Variants in NPAS3 observed in about 807,000 individuals in gnomAD.
NPAS3 encodes the protein neuronal PAS domain protein 3.
A neutral mutation model predicts 73.1 loss-of-function variants in NPAS3; 14 were observed. That is an observed-to-expected ratio of 0.19 (90% CI 0.13 to 0.30). NPAS3 has a LOEUF of 0.30. Among genes scored for constraint, NPAS3 ranks in the 10% least tolerant of loss-of-function variants. The pLI is 1.00. For synonymous variants in NPAS3, 620 were observed against 541.5 expected, an observed-to-expected ratio of 1.14 and a Z score of -2.01; for missense variants, 1,096 against 1,250.0, an observed-to-expected ratio of 0.88 and a Z score of 1.86.
At chr14:33,087,552 T>G (rs11623712) in intron 2 of NPAS3, among the ~76,000 whole-genome samples, 9,023 of 152,226 alleles carry the variant, frequency 0.059, 379 homozygotes, top group Admixed American at 0.091. Context: ...TTCATTTGTA[T>G]TGGCTAAATG....
chr14:33,328,215 A>G (rs998168820), intron 3 of NPAS3, among the ~76,000 whole-genome samples: 6 of 152,010 alleles, frequency 3.9e-5, no homozygotes, highest in African/African-American at 1.4e-4. Context: ...GCTGGGCCCC[A>G]AGGGATCCGA....
chr14:33,675,059 G>A lies in NPAS3; in HGVS notation c.559-1152G>A, dbSNP rs147493082. On this transcript the variant is annotated intron_variant, in intron 5 of 11. Transcript: ENST00000356141. ...GAAGTGAGGTAGGCAGGGGTTCTAG[G>A]TAAATATCCACCAAGAAACTTGTGA... Among the ~76,000 whole-genome samples, 68 of 129,178 alleles carry A rather than the reference G, an allele frequency of 5.3e-4. 1 individual carries two copies. In the East Asian group the frequency reaches 0.014, roughly 27 times the overall value. 84.7% of individuals were successfully genotyped at this position (129,178 alleles called of 152,430 possible).
intron 4 of NPAS3, among the ~76,000 whole-genome samples, chr14:33,498,325 A>G (rs1314164227): frequency 6.6e-6 from 1 of 152,202 alleles, no homozygotes; most frequent in African/African-American, 2.4e-5. Flanking sequence ...AATTTGAGCC[A>G]GCAATCCCAT....
chr14:33,036,176 G>A (rs2040162106), intron 1 of NPAS3, among the ~76,000 whole-genome samples: 1 of 152,138 alleles, frequency 6.6e-6, no homozygotes, highest in Non-Finnish European at 1.5e-5. Flanking sequence ...TGGGTTAGGG[G>A]TGGGGGCTGG....
At chr14:33,093,192 A>G (rs1182636785) in intron 2 of NPAS3, among the ~76,000 whole-genome samples, 2 of 152,094 alleles carry the variant, frequency 1.3e-5, no homozygotes, top group African/African-American at 2.4e-5. Context: ...AACCTACAGA[A>G]TGGGAGAAAA....
At chr14:33,293,212 A>G (rs1472745373) in intron 3 of NPAS3, among the ~76,000 whole-genome samples, 1 of 152,224 alleles carries the variant, frequency 6.6e-6, no homozygotes, top group Non-Finnish European at 1.5e-5. Flanking sequence ...CTTAAGATAT[A>G]GAAAAGAAAA....
intron 4 of NPAS3, among the ~76,000 whole-genome samples, chr14:33,476,686 A>C (rs1417247559): frequency 6.6e-6 from 1 of 152,204 alleles, no homozygotes; most frequent in Non-Finnish European, 1.5e-5. Context: ...GGAATGAGCA[A>C]ATACTGGAAC....
At chr14:33,024,417 G>A (rs914974492) in intron 1 of NPAS3, among the ~76,000 whole-genome samples, 1 of 152,048 alleles carries the variant, frequency 6.6e-6, no homozygotes, top group Non-Finnish European at 1.5e-5. Flanking sequence ...TGATCCGCCT[G>A]CCTCGGCCTC....
At chr14:33,487,148 C>T (rs1041262023) in intron 4 of NPAS3, among the ~76,000 whole-genome samples, 1 of 152,096 alleles carries the variant, frequency 6.6e-6, no homozygotes, top group South Asian at 2.1e-4. Context: ...GCCAGGGAAA[C>T]TAAAAAACAA....
At chr14:33,670,356 A>G (rs1367150012) in intron 5 of NPAS3, among the ~76,000 whole-genome samples, 2 of 152,168 alleles carry the variant, frequency 1.3e-5, no homozygotes. Context: ...TTATACACGT[A>G]TTTCTGTAAC....
intron 6 of NPAS3, among the ~76,000 whole-genome samples, chr14:33,723,398 T>C (rs1483796486): frequency 6.6e-6 from 1 of 152,152 alleles, no homozygotes; most frequent in Admixed American, 6.6e-5. Flanking sequence ...ATTTGGATCA[T>C]ACTAAAAAAA....
At chr14:33,483,216 A>G (rs2051414511) in intron 4 of NPAS3, among the ~76,000 whole-genome samples, 1 of 152,180 alleles carries the variant, frequency 6.6e-6, no homozygotes, top group African/African-American at 2.4e-5. Flanking sequence ...ACAAGTGAAC[A>G]GAAAAATGAC....
downstream of NPAS3, chr14:33,802,667 A>C (rs369067949): frequency 3.4e-4 from 51 of 152,194 alleles, no homozygotes; most frequent in African/African-American, 1.2e-3. Context: ...CCTTTGTCTT[A>C]TCTGTGCTCT....
intron 1 of NPAS3, among the ~76,000 whole-genome samples, chr14:32,941,472 T>C (rs1367005351): frequency 6.6e-6 from 1 of 151,028 alleles, no homozygotes; most frequent in Non-Finnish European, 1.5e-5. Context: ...GAGATAGAAT[T>C]AATTTCTAGG....
chr14:33,653,779 A>G (rs1444167980), intron 5 of NPAS3, among the ~76,000 whole-genome samples: 1 of 152,216 alleles, frequency 6.6e-6, no homozygotes, highest in Non-Finnish European at 1.5e-5. Flanking sequence ...GGTTACCTGA[A>G]AGGCCACTTG....
intron 3 of NPAS3, among the ~76,000 whole-genome samples, chr14:33,306,307 A>G (rs1208184725): frequency 6.6e-6 from 1 of 152,216 alleles, no homozygotes; most frequent in Non-Finnish European, 1.5e-5. Context: ...AAACTGACCT[A>G]GTGATATTAA....
chr14:33,759,477 G>T (rs897597027), intron 7 of NPAS3, among the ~76,000 whole-genome samples: 1 of 152,144 alleles, frequency 6.6e-6, no homozygotes, highest in Non-Finnish European at 1.5e-5. Context: ...TTGCCCCATC[G>T]CAGAGCATTC....
intron 6 of NPAS3, among the ~76,000 whole-genome samples, chr14:33,683,363 T>C (rs1205408320): frequency 6.9e-6 from 1 of 144,298 alleles, no homozygotes; most frequent in Admixed American, 7.2e-5. Flanking sequence ...TAGGGATGTA[T>C]TTTGCAAGTT....
chr14:32,977,970 G>GCTA, intron 1 of NPAS3, among the ~76,000 whole-genome samples: 1 of 152,160 alleles, frequency 6.6e-6, no homozygotes. Context: ...AATAAATATA[G>GCTA]CTACTACTAA....
Sources: allele counts gnomAD v4.1 joint callset (sites outside exome capture counted in the v4.1 genomes callset), GRCh38; gene constraint gnomAD v4.1.1; transcripts MANE v1.5; gene names NCBI Gene and HGNC (gene_info 2026-07-23, HGNC 2026-07-21).